The following JARID2 variants were observed in gnomAD, a reference collection of about 807,000 sequenced individuals.
JARID2 encodes jumonji and AT-rich interaction domain containing 2.
A neutral mutation model predicts 125.6 loss-of-function variants in JARID2; 21 were observed. The observed-to-expected ratio is 0.17, with a 90% CI of 0.12 to 0.24. The LOEUF (loss-of-function observed/expected upper bound fraction) is 0.24. JARID2 is among the 10% of genes least tolerant of loss of function. JARID2 has a pLI of 1.00. For missense variants in JARID2, 1,303 were observed against 1,639.6 expected (o/e 0.79, Z 3.55); for synonymous variants, 736 against 661.6 (o/e 1.11, Z -1.73).
chr6:15,509,534 C>G (rs992325488), intron 12 of JARID2, among the ~76,000 whole-genome samples: 1 of 149,704 alleles, frequency 6.7e-6, no homozygotes, highest in Non-Finnish European at 1.5e-5. Flanking sequence ...GTGATGGGCC[C>G]GGGAAGCCCA....
intron 12 of JARID2, among the ~76,000 whole-genome samples, chr6:15,510,476 G>T (rs895698587): frequency 6.6e-6 from 1 of 152,172 alleles, no homozygotes; most frequent in African/African-American, 2.4e-5. Flanking sequence ...TGAGGAGGCC[G>T]TGTAGGTTAC....
intron 3 of JARID2, among the ~76,000 whole-genome samples, chr6:15,437,610 TTAAA>T (rs1026026494): frequency 8.6e-4 from 131 of 152,156 alleles, no homozygotes; most frequent in African/African-American, 3.1e-3. Context: ...AGCCTGCTAA[TTAAA>T]TGGATGAAAG....
chr6:15,471,292 TAAGTA>T (rs1457150237), intron 5 of JARID2, among the ~76,000 whole-genome samples: 2 of 152,258 alleles, frequency 1.3e-5, no homozygotes, highest in African/African-American at 2.4e-5. Flanking sequence ...GCCTCCTGAA[TAAGTA>T]AAGTTTTTGA....
intron 3 of JARID2, among the ~76,000 whole-genome samples, chr6:15,417,897 C>G (rs1414454312): frequency 6.6e-6 from 1 of 152,200 alleles, no homozygotes; most frequent in Non-Finnish European, 1.5e-5. Context: ...TGACTTGTTT[C>G]AGAGGGTTTT....
chr6:15,317,336 T>G (rs1762213432), intron 1 of JARID2, among the ~76,000 whole-genome samples: 1 of 152,184 alleles, frequency 6.6e-6, no homozygotes. Context: ...AATAGTTTGA[T>G]TTCCTGAGGT....
At position 15,286,535 on chromosome 6, in the gene JARID2, G is replaced by A. The variant is rs1761006933; in HGVS notation, c.45+39951G>A. Among the ~76,000 whole-genome samples, 3 of 151,486 alleles carry A rather than the reference G, an allele frequency of 2.0e-5. No homozygotes were observed. In the South Asian group the frequency reaches 6.3e-4, roughly 32 times the overall value. ...AAAGTGCTGGGATTACAGGCATGAG[G>A]TACAGTGCCCGGCTCATTGCAGTGT... is the stretch of plus-strand genomic sequence containing the variant. On this transcript the variant is annotated intron_variant, in intron 1 of 17. Coordinates refer to ENST00000341776, the MANE Select transcript of JARID2 (RefSeq NM_004973.4).
At chr6:15,386,350 G>A (rs1764786519) in intron 2 of JARID2, among the ~76,000 whole-genome samples, 1 of 151,418 alleles carries the variant, frequency 6.6e-6, no homozygotes, top group African/African-American at 2.4e-5. Context: ...AGGAAAGCCT[G>A]TGAAACCACA....
chr6:15,455,205 A>AC (rs1453134720), intron 4 of JARID2, among the ~76,000 whole-genome samples: 1 of 151,966 alleles, frequency 6.6e-6, no homozygotes, highest in Non-Finnish European at 1.5e-5. Context: ...AAAAAAAAAA[A>AC]AAACAATGGT....
chr6:15,520,312 G>A lies in JARID2; in HGVS notation c.*61G>A, dbSNP rs1249649457. Reference sequence around the variant, plus strand: ...TTTTGTAATTATTATATTCTAGTTTGGAGTACTTGCTGTAGGATTCAAGCT... The same window carrying A: ...TTTTGTAATTATTATATTCTAGTTTAGAGTACTTGCTGTAGGATTCAAGCT... On this transcript the variant is annotated 3_prime_UTR_variant, in exon 18 of 18. Transcript: ENST00000341776. 7.8e-6 allele frequency: 10 copies of A among 1,288,386 alleles called. No individual in the cohort carries two copies. Among genetic ancestry groups the A allele is most frequent in the Non-Finnish European group, 1.0e-5 (10 of 958,940 alleles). The allele number at this position is 1,288,386 out of a possible 1,614,324, so 79.8% of individuals were successfully genotyped here. A position where few individuals can be genotyped will look rare whatever the true frequency, so the allele number is the denominator to read the frequency against.
intron 1 of JARID2, among the ~76,000 whole-genome samples, chr6:15,290,718 A>G (rs1400799499): frequency 6.6e-6 from 1 of 152,076 alleles, no homozygotes; most frequent in Non-Finnish European, 1.5e-5. Context: ...TCCCGGGTTC[A>G]TGCCATTCTC....
chr6:15,468,546 T>G lies in JARID2; in HGVS notation c.498T>G (p.Ser166=). The G allele has an allele frequency of 1.2e-6, 2 of 1,613,038 alleles. No homozygotes were observed. The highest frequency in any genetic ancestry group is 1.7e-6 in the Non-Finnish European group (2 of 1,179,430). The change falls in exon 5 of 18, where the codon TCT becomes TCG. Residue 166 remains serine (S), a synonymous_variant. Transcript: ENST00000341776. ...CTGTTTTTCTTATTCCACCAGGTTC[T>G]CCTGCGCTGCCCAACAGCATGGTGT... The part of the protein sequence containing the change: ...DFLTFLCLRG[S]PALPNSMVYF...
intron 1 of JARID2, among the ~76,000 whole-genome samples, chr6:15,350,833 A>G (rs1763399022): frequency 6.6e-6 from 1 of 151,834 alleles, no homozygotes; most frequent in South Asian, 2.1e-4. Context: ...GGAATGACCA[A>G]AATTTCACTT....
intron 1 of JARID2, chr6:15,247,736 A>G (rs928942367): frequency 3.0e-6 from 3 of 985,372 alleles, no homozygotes; most frequent in Non-Finnish European, 3.6e-6. Context: ...CCTCTTCAAG[A>G]GAGCTGATCC....
chr6:15,301,015 T>C (rs1761603445), intron 1 of JARID2, among the ~76,000 whole-genome samples: 1 of 152,146 alleles, frequency 6.6e-6, no homozygotes, highest in Non-Finnish European at 1.5e-5. Context: ...ATGAAAGAAC[T>C]AGGTAAGATT....
intron 1 of JARID2, among the ~76,000 whole-genome samples, chr6:15,293,125 T>G (rs1761287121): frequency 6.6e-6 from 1 of 152,250 alleles, no homozygotes; most frequent in Admixed American, 6.5e-5. Context: ...AAAGCATTGT[T>G]TGATCCAGTG....
intron 1 of JARID2, among the ~76,000 whole-genome samples, chr6:15,320,592 A>G (rs181984440): frequency 1.8e-4 from 28 of 152,320 alleles, no homozygotes; most frequent in Admixed American, 3.9e-4. Context: ...ATTCATTACA[A>G]TGCAGTTCTT....
At chr6:15,437,907 TAAG>T (rs1285366376) in intron 3 of JARID2, among the ~76,000 whole-genome samples, 4 of 152,246 alleles carry the variant, frequency 2.6e-5, no homozygotes, top group East Asian at 1.9e-4. Context: ...AAAGGCCACT[TAAG>T]AAGAACAAGT....
chr6:15,329,690 A>C (rs1762645279), intron 1 of JARID2, among the ~76,000 whole-genome samples: 1 of 152,214 alleles, frequency 6.6e-6, no homozygotes, highest in South Asian at 2.1e-4. Flanking sequence ...CTGCTGACAG[A>C]GTTCTTGTGC....
chr6:15,438,998 C>T (rs1420074016), intron 3 of JARID2, among the ~76,000 whole-genome samples: 3 of 150,412 alleles, frequency 2.0e-5, no homozygotes, highest in Non-Finnish European at 4.4e-5. Context: ...CGCCACTGCA[C>T]TCCAGCCTGG....
Sources: gnomAD v4.1 joint callset for allele counts (sites outside exome capture counted in the v4.1 genomes callset) on GRCh38, gnomAD v4.1.1 for gene constraint, MANE v1.5 for transcripts, NCBI Gene and HGNC (gene_info 2026-07-23, HGNC 2026-07-21) for gene names.